The following PPARGC1B variants were observed in gnomAD, a reference collection of about 807,000 sequenced individuals.
PPARGC1B encodes the protein PPARG coactivator 1 beta.
Under a neutral mutation model 101.6 loss-of-function variants are expected in PPARGC1B, and 34 were observed. That is an observed-to-expected ratio of 0.33 (90% CI 0.25 to 0.45). The LOEUF is 0.45. Among genes scored for constraint, PPARGC1B ranks in the 20% least tolerant of loss-of-function variants. PPARGC1B has a pLI of 1.00. For missense variants in PPARGC1B, 1,234 were observed against 1,317.6 expected (o/e 0.94, Z 0.98); for synonymous variants, 548 against 539.3 (o/e 1.02, Z -0.22).
At chr5:149,775,716 C>T (rs1247602681) in intron 1 of PPARGC1B, among the ~76,000 whole-genome samples, 1 of 92,032 alleles carries the variant, frequency 1.1e-5, no homozygotes, top group Non-Finnish European at 2.5e-5. Context: ...GTGATGCCCA[C>T]ACTCTTCCCT....
chr5:149,775,794 T>G (rs896225705), intron 1 of PPARGC1B, among the ~76,000 whole-genome samples: 1 of 152,164 alleles, frequency 6.6e-6, no homozygotes, highest in Non-Finnish European at 1.5e-5. Context: ...GATTCTGCCT[T>G]TGGATCTCCT....
intron 1 of PPARGC1B, among the ~76,000 whole-genome samples, chr5:149,810,189 A>C (rs1406089524): frequency 1.3e-5 from 2 of 152,258 alleles, no homozygotes; most frequent in Non-Finnish European, 2.9e-5. Context: ...CTTTGAATTC[A>C]AGAGGCCCTT....
rs147058048 is a variant in PPARGC1B at position 149,846,956 on chromosome 5, A to G, written c.2972-502A>G. ...AAAAATTAGCTGGGCGTGGTGGCGC[A>G]CACCTGTAGTCCCAGCAACTTGGGA... On this transcript the variant is annotated intron_variant, in intron 11 of 11. Coordinates refer to ENST00000309241, the MANE Select transcript of PPARGC1B (RefSeq NM_133263.4). The G allele has an allele frequency of 8.1e-3, 1,451 of 179,174 alleles. 26 individuals carry two copies. Among genetic ancestry groups the G allele is most frequent in the African/African-American group, 0.032 (1,368 of 42,522 alleles). The allele number at this position is 179,174 out of a possible 1,614,324, so 11.1% of individuals were successfully genotyped here.
intron 1 of PPARGC1B, among the ~76,000 whole-genome samples, chr5:149,784,855 C>CCG (rs1756742938): frequency 6.6e-6 from 1 of 152,020 alleles, no homozygotes; most frequent in Non-Finnish European, 1.5e-5. Flanking sequence ...GCGTGAGCCA[C>CCG]CGCGCCCGGT....
chr5:149,782,167 G>C (rs1367937853), intron 1 of PPARGC1B, among the ~76,000 whole-genome samples: 1 of 152,142 alleles, frequency 6.6e-6, no homozygotes, highest in Non-Finnish European at 1.5e-5. Flanking sequence ...ATAAGCAAAG[G>C]CTCGAGTTGT....
intron 1 of PPARGC1B, among the ~76,000 whole-genome samples, chr5:149,784,875 T>C (rs1756744912): frequency 6.6e-6 from 1 of 152,156 alleles, no homozygotes; most frequent in African/African-American, 2.4e-5. Flanking sequence ...TCCAGCCAAC[T>C]GAGTTTCTCT....
intron 1 of PPARGC1B, among the ~76,000 whole-genome samples, chr5:149,809,275 A>C (rs200747558): frequency 9.2e-5 from 5 of 54,150 alleles, no homozygotes; most frequent in African/African-American, 2.9e-4. Context: ...ATAGATAGAT[A>C]GATCCATCTC....
At chr5:149,768,037 C>G (rs1332390188) in intron 1 of PPARGC1B, among the ~76,000 whole-genome samples, 3 of 151,702 alleles carry the variant, frequency 2.0e-5, no homozygotes, top group African/African-American at 7.3e-5. Flanking sequence ...GAGATAGTGA[C>G]ACCCAAAGTG....
intron 1 of PPARGC1B, among the ~76,000 whole-genome samples, chr5:149,744,505 C>G (rs1270475080): frequency 6.6e-6 from 1 of 152,100 alleles, no homozygotes; most frequent in Non-Finnish European, 1.5e-5. Context: ...GACAGTGTAT[C>G]GTGTCTGAGG....
At chr5:149,746,784 A>T (rs971627243) in intron 1 of PPARGC1B, among the ~76,000 whole-genome samples, 1 of 152,076 alleles carries the variant, frequency 6.6e-6, no homozygotes, top group Non-Finnish European at 1.5e-5. Flanking sequence ...TTGTTTCTTT[A>T]AATAGTAGCC....
intron 1 of PPARGC1B, among the ~76,000 whole-genome samples, chr5:149,734,321 C>CAAAAAAAAAAAAAAAAAAAAAAAAAAAAA (rs1221455764): frequency 1.6e-5 from 1 of 64,512 alleles, no homozygotes. Context: ...AACTCATTCT[C>CAAAAAAAAAAAAAAAAAAAAAAAAAAAAA]AAAAAAAAAA....
intron 4 of PPARGC1B, among the ~76,000 whole-genome samples, chr5:149,831,976 C>T (rs891671425): frequency 6.6e-6 from 1 of 152,148 alleles, no homozygotes; most frequent in Admixed American, 6.5e-5. Context: ...TAAACTTATA[C>T]CCATGCAATT....
At chr5:149,820,723 C>T (rs188587693) in intron 2 of PPARGC1B, 117 bp downstream of exon 2, 4 of 1,059,148 alleles carry the variant, frequency 3.8e-6, no homozygotes, top group Admixed American at 4.8e-5. Flanking sequence ...AATCCCCTCA[C>T]CCACCAAAGC....
At chr5:149,797,989 T>C (rs1757292769) in intron 1 of PPARGC1B, among the ~76,000 whole-genome samples, 1 of 152,212 alleles carries the variant, frequency 6.6e-6, no homozygotes, top group South Asian at 2.1e-4. Flanking sequence ...GAGAAGTTTA[T>C]AGGCTTCATC....
At chr5:149,763,252 A>G (rs1173245132) in intron 1 of PPARGC1B, among the ~76,000 whole-genome samples, 1 of 152,200 alleles carries the variant, frequency 6.6e-6, no homozygotes, top group Non-Finnish European at 1.5e-5. Context: ...TCGTGGCCCC[A>G]GGTTCTTGGG....
At chr5:149,815,699 G>A (rs1035767358) in intron 1 of PPARGC1B, among the ~76,000 whole-genome samples, 2 of 152,094 alleles carry the variant, frequency 1.3e-5, no homozygotes, top group African/African-American at 2.4e-5. Context: ...GGCACCCGCC[G>A]CCATACCTAG....
intron 1 of PPARGC1B, among the ~76,000 whole-genome samples, chr5:149,750,374 A>G (rs988430216): frequency 6.6e-6 from 1 of 150,852 alleles, no homozygotes; most frequent in Non-Finnish European, 1.5e-5. Context: ...TTTCCACAGC[A>G]TTATTTTATC....
chr5:149,764,517 T>C (rs1755833152), intron 1 of PPARGC1B, among the ~76,000 whole-genome samples: 2 of 152,140 alleles, frequency 1.3e-5, no homozygotes, highest in South Asian at 4.2e-4. Context: ...AGGTGTTGGA[T>C]TGGAAAGACT....
At chr5:149,843,681 T>C (rs755100065) in intron 10 of PPARGC1B, among the ~76,000 whole-genome samples, 1 of 152,172 alleles carries the variant, frequency 6.6e-6, no homozygotes, top group Non-Finnish European at 1.5e-5. Flanking sequence ...CTCCAAGAGG[T>C]ATTTGTTCAC....
Sources: gnomAD v4.1 joint callset for allele counts (sites outside exome capture counted in the v4.1 genomes callset) on GRCh38, gnomAD v4.1.1 for gene constraint, MANE v1.5 for transcripts, NCBI Gene and HGNC (gene_info 2026-07-23, HGNC 2026-07-21) for gene names.